Variants in KIAA1549L observed in about 807,000 individuals in gnomAD.
The protein encoded by KIAA1549L is UPF0606 protein KIAA1549L.
KIAA1549L carries 88 observed loss-of-function variants against 160.7 expected under a neutral mutation model. The observed-to-expected ratio is 0.55, with a 90% confidence interval of 0.46 to 0.65. The LOEUF is 0.65. Ranked by LOEUF, KIAA1549L falls within the 30% of genes least tolerant of loss-of-function variation. KIAA1549L has a pLI of 0.00. For synonymous variants in KIAA1549L, 950 were observed against 976.7 expected (o/e 0.97, Z 0.51); for missense variants, 2,258 against 2,437.5 (o/e 0.93, Z 1.55).
At chr11:33,506,264 G>C (rs1047792310) in intron 1 of KIAA1549L, among the ~76,000 whole-genome samples, 1 of 152,194 alleles carries the variant, frequency 6.6e-6, no homozygotes, top group Non-Finnish European at 1.5e-5. Context: ...GGGATGCCCA[G>C]TTTCCTGAGT....
In KIAA1549L at chr11:33,541,999, C is replaced by T; in HGVS notation, c.436C>T (p.His146Tyr). 1 of 439,958 alleles carries T rather than the reference C, an allele frequency of 2.3e-6. No individual in the cohort carries two copies. The highest frequency in any genetic ancestry group is 4.6e-6 in the Non-Finnish European group (1 of 215,272). 27.3% of individuals were successfully genotyped at this position (439,958 alleles called of 1,614,324 possible). A position where few individuals can be genotyped will look rare whatever the true frequency, so the allele number is the denominator to read the frequency against. Reference sequence around the variant, plus strand: ...AGCCCGAACCCCTGCGTCCAAGACACACCACAGAACTAGGGCTCACGCGGA... The same window carrying T: ...AGCCCGAACCCCTGCGTCCAAGACATACCACAGAACTAGGGCTCACGCGGA... Reference protein sequence around the residue: ...QSARTPASKTHHRTRAHADFS... With the variant: ...QSARTPASKTYHRTRAHADFS... Residue 146 changes from histidine (H) to tyrosine (Y), a missense_variant, in exon 2 of 21, where the codon CAC becomes TAC. By Grantham distance (83) the His-to-Tyr change is moderately conservative. Around this residue, in one of 6 missense-constraint regions of KIAA1549L, gnomAD observed 540 missense variants for 465.7 expected, o/e 1.16. Coordinates refer to ENST00000658780, the MANE Select transcript of KIAA1549L (RefSeq NM_012194.3).
At chr11:33,602,063 A>T (rs1273593581) in intron 13 of KIAA1549L, among the ~76,000 whole-genome samples, 4 of 152,254 alleles carry the variant, frequency 2.6e-5, no homozygotes, top group African/African-American at 9.6e-5. Context: ...GATTTTTGAA[A>T]ATAATACATA....
intron 1 of KIAA1549L, among the ~76,000 whole-genome samples, chr11:33,444,441 T>C (rs1851570438): frequency 6.6e-6 from 1 of 152,228 alleles, no homozygotes; most frequent in African/African-American, 2.4e-5. Context: ...AATCTGTCCA[T>C]TCATAAAGCA....
Position 33,541,897 on chromosome 11 carries a change from G to A in KIAA1549L, c.334G>A (p.Val112Ile). 3.7e-6 allele frequency: 1 copy of A among 267,976 alleles called. No individual in the cohort carries two copies. The highest frequency in any genetic ancestry group is 3.7e-5 in the South Asian group (1 of 27,166). 16.6% of individuals were successfully genotyped at this position (267,976 alleles called of 1,614,324 possible). ...PISPTWPFTE[V>I]RSSSAADRIK... is the part of the protein sequence containing the mutation. ...TTCACCAACATGGCCTTTCACAGAA[G>A]TCAGGTCTTCCTCAGCAGCAGACAG... Residue 112 changes from valine (V) to isoleucine (I), a missense_variant, in exon 2 of 21, where the codon GTC (valine) becomes ATC (isoleucine). Around this residue, in one of 6 missense-constraint regions of KIAA1549L, gnomAD observed 540 missense variants for 465.7 expected, o/e 1.16. Coordinates refer to ENST00000658780, the MANE Select transcript of KIAA1549L (RefSeq NM_012194.3).
intron 1 of KIAA1549L, among the ~76,000 whole-genome samples, chr11:33,388,046 T>G (rs1239136984): frequency 1.3e-5 from 2 of 152,208 alleles, no homozygotes; most frequent in Non-Finnish European, 2.9e-5. Flanking sequence ...TTTTATTAAA[T>G]TCAAGCAATA....
intron 1 of KIAA1549L, among the ~76,000 whole-genome samples, chr11:33,391,642 C>A (rs184488479): frequency 6.6e-6 from 1 of 152,214 alleles, no homozygotes; most frequent in Non-Finnish European, 1.5e-5. Context: ...AAGATGCTGC[C>A]GACATTCCCC....
intron 1 of KIAA1549L, among the ~76,000 whole-genome samples, chr11:33,540,957 C>T (rs190683139): frequency 7.3e-4 from 111 of 152,244 alleles, no homozygotes; most frequent in Non-Finnish European, 1.4e-3. Flanking sequence ...CTTGGGTATC[C>T]GTAAACCCCA....
intron 1 of KIAA1549L, among the ~76,000 whole-genome samples, chr11:33,499,200 C>T (rs1428672213): frequency 6.6e-6 from 1 of 152,162 alleles, no homozygotes; most frequent in African/African-American, 2.4e-5. Flanking sequence ...CCTCTGTGTC[C>T]AAACTCAGGA....
At chr11:33,629,896 G>GC (rs541932105) in intron 16 of KIAA1549L, among the ~76,000 whole-genome samples, 2 of 141,670 alleles carry the variant, frequency 1.4e-5, no homozygotes, top group African/African-American at 2.9e-5. Context: ...TTTCTGCTCT[G>GC]TTTTTCCCCA....
chr11:33,525,866 C>T (rs1853599260), intron 1 of KIAA1549L, among the ~76,000 whole-genome samples: 1 of 152,056 alleles, frequency 6.6e-6, no homozygotes, highest in Middle Eastern at 3.2e-3. Context: ...CCCTGGAAAC[C>T]TGTATGACAC....
intron 1 of KIAA1549L, among the ~76,000 whole-genome samples, chr11:33,406,582 C>T (rs1049271213): frequency 3.9e-5 from 6 of 152,202 alleles, no homozygotes; most frequent in Non-Finnish European, 7.3e-5. Context: ...ATCCGCGCAG[C>T]GGAGCAAAGC....
Position 33,547,805 on chromosome 11 carries a change from T to C in KIAA1549L, c.3427T>C (p.Leu1143=), listed in dbSNP as rs1854315311. 3 of 1,613,526 alleles carry C rather than the reference T, an allele frequency of 1.9e-6. No individual in the cohort carries two copies. Among genetic ancestry groups the C allele is most frequent in the African/African-American group, 1.3e-5 (1 of 74,932 alleles). ...AAGGAGAGTGCAGATCAGTGAATCC[T>C]TGAAGTTCAGTATCGCCAAAGGGCT... The part of the protein sequence containing the change: ...TQRRVQISES[L]KFSIAKGLTQ... The change falls in exon 4 of 21, where the codon TTG becomes CTG. Residue 1143 remains leucine, a synonymous_variant. Transcript: ENST00000658780.
At chr11:33,615,305 C>T (rs545726327) in intron 15 of KIAA1549L, among the ~76,000 whole-genome samples, 4 of 152,166 alleles carry the variant, frequency 2.6e-5, no homozygotes, top group Non-Finnish European at 5.9e-5. Flanking sequence ...AGAAAGAGAA[C>T]ATAATTTGAG....
rs114020899 is a variant in KIAA1549L, at chr11:33,616,834, T to C, written c.5280-1699T>C. Among the ~76,000 whole-genome samples the C allele has an allele frequency of 4.4e-3, 665 of 152,166 alleles. 8 individuals are homozygous for C. The highest frequency in any genetic ancestry group is 0.015 in the African/African-American group (611 of 41,506). On this transcript the variant is annotated intron_variant, in intron 15 of 20. Coordinates refer to ENST00000658780, the MANE Select transcript of KIAA1549L (RefSeq NM_012194.3). The stretch of plus-strand genomic sequence containing the variant: ...CCCATGAATAGCTAGAATCTTAGAA[T>C]AGAGACACTACATAGGCGGTGTTGG...
chr11:33,527,043 G>C (rs1222213559), intron 1 of KIAA1549L, among the ~76,000 whole-genome samples: 1 of 152,108 alleles, frequency 6.6e-6, no homozygotes. Context: ...AATCAAGCAA[G>C]TAGAAGAAAG....
intron 1 of KIAA1549L, among the ~76,000 whole-genome samples, chr11:33,394,556 T>G (rs1215964278): frequency 6.6e-6 from 1 of 152,180 alleles, no homozygotes. Context: ...GGTCCTATAT[T>G]TCTGGATGGC....
At chr11:33,661,512 T>C (rs1051452598) in intron 20 of KIAA1549L, among the ~76,000 whole-genome samples, 10 of 152,252 alleles carry the variant, frequency 6.6e-5, no homozygotes, top group Middle Eastern at 3.4e-3. Flanking sequence ...TCCAAAGCTT[T>C]TATTAAATTC....
intron 8 of KIAA1549L, among the ~76,000 whole-genome samples, chr11:33,563,496 C>G (rs1373955397): frequency 6.6e-6 from 1 of 152,118 alleles, no homozygotes; most frequent in African/African-American, 2.4e-5. Context: ...CATCCCCTCT[C>G]TCACTTGCGG....
intron 1 of KIAA1549L, among the ~76,000 whole-genome samples, chr11:33,530,925 T>C (rs1365065208): frequency 2.0e-5 from 3 of 152,208 alleles, no homozygotes; most frequent in Non-Finnish European, 4.4e-5. Flanking sequence ...CGAAGTTGGA[T>C]GTGCATTGTG....
Sources: gnomAD v4.1 joint callset for allele counts (sites outside exome capture counted in the v4.1 genomes callset) on GRCh38, gnomAD v4.1.1 for gene constraint, gnomAD v4.1.1 regional missense constraint, MANE v1.5 for transcripts, NCBI Gene and HGNC (gene_info 2026-07-23, HGNC 2026-07-21) for gene names.